The following ZNF414 variants were observed in gnomAD, a reference collection of about 807,000 sequenced individuals.
The protein encoded by ZNF414 is zinc finger protein 414.
A neutral mutation model predicts 38.3 loss-of-function variants in ZNF414; 32 were observed. That is an observed-to-expected ratio of 0.83 (90% CI 0.63 to 1.12). The LOEUF is 1.12. Ranked by LOEUF, ZNF414 falls within the 50% of genes most tolerant of loss-of-function variation. ZNF414 has a pLI of 0.00. For synonymous variants in ZNF414, 256 were observed against 248.0 expected, an observed-to-expected ratio of 1.03 and a Z score of -0.30; for missense variants, 589 against 557.4, an observed-to-expected ratio of 1.06 and a Z score of -0.57.
chr19:8,511,207 T>G (rs1426975091), intron 6 of ZNF414, 183 bp from the exon 7 acceptor site: 1 of 1,313,226 alleles, frequency 7.6e-7, no homozygotes, highest in East Asian at 3.1e-5. Flanking sequence ...CCAACTTGGC[T>G]TCTCCGCGTC....
Position 8,511,600 on chromosome 19 carries a change from C to T in ZNF414, c.874+17G>A. On this transcript the variant is annotated intron_variant, in intron 5 of 7. Coordinates refer to ENST00000393927, the MANE Select transcript of ZNF414 (RefSeq NM_001146175.2). ...AGCCCAGCCAGCCCTCCTGGAGGCC[C>T]CCGACCCCACACTCACCTTGGCTCT... 3 of 1,518,338 alleles carry T rather than the reference C, an allele frequency of 2.0e-6. No individual in the cohort carries two copies. Among genetic ancestry groups the T allele is most frequent in the Non-Finnish European group, 2.6e-6 (3 of 1,134,918 alleles). The allele number at this position is 1,518,338 out of a possible 1,614,324, so 94.1% of individuals were successfully genotyped here.
rs1197870300 is a variant in ZNF414 at position 8,510,842 on chromosome 19, C to T, written c.1099+9G>A. 3.1e-6 allele frequency: 4 copies of T among 1,278,906 alleles called. No homozygotes were observed. The highest frequency in any genetic ancestry group is 2.3e-4 in the Middle Eastern group (1 of 4,334). 79.2% of individuals were successfully genotyped at this position (1,278,906 alleles called of 1,614,324 possible). ...CCCCCCTCTCCACCCGCGCATTCCT[C>T]GGCCTTACCCGCGGGGGCGTCGGGG... is the stretch of plus-strand genomic sequence containing the variant. On this transcript the variant is annotated intron_variant, in intron 7 of 7. Coordinates refer to ENST00000393927, the MANE Select transcript of ZNF414 (RefSeq NM_001146175.2).
chr19:8,514,009 C>A, intron 1 of ZNF414, 35 bp downstream of exon 1: 1 of 1,442,156 alleles, frequency 6.9e-7, no homozygotes, highest in Non-Finnish European at 9.1e-7. Flanking sequence ...GTCCCCGCAG[C>A]TCCGCCGCGC....
At position 8,510,897 on chromosome 19, in the gene ZNF414, G is replaced by A. The variant is rs1027290998; in HGVS notation, c.1053C>T (p.Ala351=). Residue 351 remains alanine (A), a synonymous_variant, in exon 7 of 8, where the codon GCC becomes GCT. Coordinates refer to ENST00000393927, the MANE Select transcript of ZNF414 (RefSeq NM_001146175.2). ...GCGGCCCGGCCGCGGGGGCCGCGGG[G>A]GCGCCGGGGCGGTGGTCCTCCAGGT... ...TLHLEDHRPG[A]PAAPAAGPPR... 2.9e-5 allele frequency: 34 copies of A among 1,167,040 alleles called. 2 individuals carry two copies. Among genetic ancestry groups the A allele is most frequent in the Admixed American group, 1.4e-4 (3 of 21,034 alleles). 72.3% of individuals were successfully genotyped at this position (1,167,040 alleles called of 1,614,324 possible).
Position 8,511,686 on chromosome 19 carries a change from G to T in ZNF414, c.805C>A (p.Leu269Met). The T allele has an allele frequency of 6.7e-7, 1 of 1,492,568 alleles. No homozygotes were observed. The highest frequency in any genetic ancestry group is 1.4e-5 in the South Asian group (1 of 73,984). The allele number at this position is 1,492,568 out of a possible 1,614,324, so 92.5% of individuals were successfully genotyped here. ...GGTGCAGCGGCCAGGAAGGGGCGCA[G>T]GCGCGGGGGGCTTAGGCCAAAGGGC... Reference protein sequence around the residue: ...PAPFGLSPPRLRPFLAAAPGP... With the variant: ...PAPFGLSPPRMRPFLAAAPGP... Residue 269 changes from leucine (L) to methionine (M), a missense_variant, in exon 5 of 8, where the codon CTG (leucine) becomes ATG (methionine). Coordinates refer to ENST00000393927, the MANE Select transcript of ZNF414 (RefSeq NM_001146175.2).
At chr19:8,513,364 A>G in intron 1 of ZNF414, 23 bp from the exon 2 acceptor site, 4 of 1,550,910 alleles carry the variant, frequency 2.6e-6, no homozygotes, top group Non-Finnish European at 3.5e-6. Flanking sequence ...AGAGGCGGAG[A>G]GAACCCTTCT....
Position 8,511,033 on chromosome 19 carries a change from A to G in ZNF414, c.926-9T>C. On this transcript the variant is annotated splice_polypyrimidine_tract_variant and intron_variant, in intron 6 of 7. Transcript: ENST00000393927. Reference sequence around the variant, plus strand: ...GCTCGGGGCCGCGTGCCCTGCGGGCAGGCGGGACCCCGTCAGTCCCGGGCT... The same window carrying G: ...GCTCGGGGCCGCGTGCCCTGCGGGCGGGCGGGACCCCGTCAGTCCCGGGCT... 7.8e-7 allele frequency: 1 copy of G among 1,275,880 alleles called. No homozygotes were observed. The highest frequency in any genetic ancestry group is 9.9e-7 in the Non-Finnish European group (1 of 1,011,296). The allele number at this position is 1,275,880 out of a possible 1,614,324, so 79.0% of individuals were successfully genotyped here. A position where few individuals can be genotyped will look rare whatever the true frequency, so the allele number is the denominator to read the frequency against.
At chr19:8,512,841 G>A (rs1413909228) in intron 2 of ZNF414, 130 bp from the exon 3 acceptor site, 1 of 1,173,862 alleles carries the variant, frequency 8.5e-7, no homozygotes, top group African/African-American at 1.5e-5. Flanking sequence ...ACAACAGACT[G>A]GTCTGCCACA....
chr19:8,511,650 C>T lies in ZNF414; in HGVS notation c.841G>A (p.Ala281Thr), dbSNP rs1487305573. ...PFLAAAPGPPASSAAVWKKSQ... is the reference protein window; with the variant it reads ...PFLAAAPGPPTSSAAVWKKSQ... ...TTTTTCCAGACGGCGGCGCTGGAAG[C>T]CGGCGGCCCGGGTGCAGCGGCCAGG... The change falls in exon 5 of 8, where the codon GCT (alanine) becomes ACT (threonine). Residue 281 changes from alanine to threonine, a missense_variant. By Grantham distance (58) the Ala-to-Thr change is moderately conservative. Coordinates refer to ENST00000393927, the MANE Select transcript of ZNF414 (RefSeq NM_001146175.2). 6.7e-7 allele frequency: 1 copy of T among 1,502,284 alleles called. No homozygotes were observed. The highest frequency in any genetic ancestry group is 2.4e-5 in the East Asian group (1 of 41,554). 93.1% of individuals were successfully genotyped at this position (1,502,284 alleles called of 1,614,324 possible). A position where few individuals can be genotyped will look rare whatever the true frequency, so the allele number is the denominator to read the frequency against.
chr19:8,513,616 G>A (rs1258301576), intron 1 of ZNF414, among the ~76,000 whole-genome samples: 1 of 152,164 alleles, frequency 6.6e-6, no homozygotes, highest in African/African-American at 2.4e-5. Flanking sequence ...TATGCATACG[G>A]GAGAAACATC....
Position 8,513,219 on chromosome 19 carries a change from C to A in ZNF414, c.126G>T (p.Ser42=). ...CTGCCTGCTCAGGGCCTGGCTCCTCCGACATGGAGGAGGAAGGGGCTGCAG... is the reference window on the plus strand; with the variant it reads ...CTGCCTGCTCAGGGCCTGGCTCCTCAGACATGGAGGAGGAAGGGGCTGCAG... ...VPAAAPSSSM[S]EEPGPEQAAT... Residue 42 remains serine (S), a synonymous_variant, in exon 2 of 8, where the codon TCG becomes TCT. Coordinates refer to ENST00000393927, the MANE Select transcript of ZNF414 (RefSeq NM_001146175.2). The A allele has an allele frequency of 6.3e-7, 1 of 1,577,670 alleles. No individual in the cohort carries two copies. Among genetic ancestry groups the A allele is most frequent in the South Asian group, 1.1e-5 (1 of 87,774 alleles).
In ZNF414 at chr19:8,514,114, T is replaced by C; in HGVS notation, c.-68A>G. 1 of 1,419,414 alleles carries C rather than the reference T, an allele frequency of 7.0e-7. No homozygotes were observed. Among genetic ancestry groups the C allele is most frequent in the Non-Finnish European group, 9.2e-7 (1 of 1,088,808 alleles). The allele number at this position is 1,419,414 out of a possible 1,614,324, so 87.9% of individuals were successfully genotyped here. On this transcript the variant is annotated 5_prime_UTR_variant, in exon 1 of 8. Coordinates refer to ENST00000393927, the MANE Select transcript of ZNF414 (RefSeq NM_001146175.2). ...TGCAGCTTAGGCGGCGGCCACCCTCTGGGCAGTGCGAGTTCGCGCTCACGT... is the reference window on the plus strand; with the variant it reads ...TGCAGCTTAGGCGGCGGCCACCCTCCGGGCAGTGCGAGTTCGCGCTCACGT...
At chr19:8,512,097 G>T (rs1340363624) in intron 4 of ZNF414, 137 bp from the exon 5 acceptor site, 1 of 1,416,808 alleles carries the variant, frequency 7.1e-7, no homozygotes, top group East Asian at 2.6e-5. Context: ...GTACAACTGT[G>T]GCAGCGACCC....
intron 1 of ZNF414, among the ~76,000 whole-genome samples, chr19:8,513,760 C>A (rs1378318302): frequency 6.6e-6 from 1 of 152,158 alleles, no homozygotes; most frequent in East Asian, 1.9e-4. Flanking sequence ...AGGAGCTAGA[C>A]ATGGATTGTC....
chr19:8,511,745 G>A lies in ZNF414; in HGVS notation c.746C>T (p.Pro249Leu). 6.9e-7 allele frequency: 1 copy of A among 1,456,218 alleles called. No individual in the cohort carries two copies. Among genetic ancestry groups the A allele is most frequent in the Non-Finnish European group, 9.0e-7 (1 of 1,111,864 alleles). The allele number at this position is 1,456,218 out of a possible 1,614,324, so 90.2% of individuals were successfully genotyped here. ...LEPFTTPAPAPTGPFLPYLNP... is the reference protein window; with the variant it reads ...LEPFTTPAPALTGPFLPYLNP... Reference sequence around the variant, plus strand: ...CAAGTAGGGCAGGAACGGTCCGGTGGGGGCAGGGGCGGGGGTCGTGAAGGG... The same window carrying A: ...CAAGTAGGGCAGGAACGGTCCGGTGAGGGCAGGGGCGGGGGTCGTGAAGGG... Residue 249 changes from proline to leucine, a missense_variant, in exon 5 of 8, where the codon CCC (proline) becomes CTC (leucine). Coordinates refer to ENST00000393927, the MANE Select transcript of ZNF414 (RefSeq NM_001146175.2).
chr19:8,511,562 C>A, intron 5 of ZNF414, 26 bp from the exon 6 acceptor site: 1 of 1,579,292 alleles, frequency 6.3e-7, no homozygotes, highest in South Asian at 1.1e-5. Flanking sequence ...GGGTCAAGTT[C>A]AGAGTCAGGG....
In ZNF414 at chr19:8,512,352, A is replaced by G. The variant is rs1483779378; in HGVS notation, c.530+35T>C. ...TGGAGCCCACACATAGGGTGAGGCT[A>G]GGGCAGGGCGGAGCTCAAGAGGTCA... On this transcript the variant is annotated intron_variant, in intron 4 of 7. Coordinates refer to ENST00000393927, the MANE Select transcript of ZNF414 (RefSeq NM_001146175.2). The G allele has an allele frequency of 6.2e-6, 10 of 1,608,932 alleles. No homozygotes were observed. The African/African-American group carries it at 1.2e-4, about 19-fold the overall frequency.
chr19:8,513,923 C>A, intron 1 of ZNF414, 121 bp downstream of exon 1: 11 of 1,217,608 alleles, frequency 9.0e-6, no homozygotes, highest in Non-Finnish European at 1.2e-5. Context: ...GAGTGACAGC[C>A]AGCGGCGGAC....
intron 6 of ZNF414, 70 bp from the exon 7 acceptor site, chr19:8,511,094 G>A (rs1971906856): frequency 1.6e-6 from 2 of 1,287,756 alleles, no homozygotes; most frequent in South Asian, 2.5e-5. Flanking sequence ...CAAGGATGGA[G>A]GACGCCGGCG....
Sources: gnomAD v4.1 joint callset for allele counts (sites outside exome capture counted in the v4.1 genomes callset) on GRCh38, gnomAD v4.1.1 for gene constraint, MANE v1.5 for transcripts, NCBI Gene and HGNC (gene_info 2026-07-23, HGNC 2026-07-21) for gene names.